MGAT4D: variants seen among roughly 807,000 people sequenced by gnomAD.
MGAT4D encodes the protein alpha-1,3-mannosyl-glycoprotein 4-beta-N-acetylglucosaminyltransferase-like protein MGAT4D.
In MGAT4D, 34 loss-of-function variants were observed where a neutral mutation model predicts 15.9. The observed-to-expected ratio is 2.14, with a 90% CI of 1.62 to 2.84. MGAT4D has a LOEUF of 2.84. Ranked by LOEUF, MGAT4D falls within the 30% of genes most tolerant of loss-of-function variation. The pLI, the probability that MGAT4D is intolerant of heterozygous loss-of-function variation, is 0.00. For missense variants in MGAT4D, 327 were observed against 140.2 expected (o/e 2.33, Z -6.73); for synonymous variants, 112 against 48.2 (o/e 2.33, Z -5.49).
chr4:140,453,286 C>G (rs1413242560), intron 9 of MGAT4D, among the ~76,000 whole-genome samples: 1 of 151,772 alleles, frequency 6.6e-6, no homozygotes, highest in Non-Finnish European at 1.5e-5. Flanking sequence ...GAATATCTAC[C>G]AAAAAATTCC....
At chr4:140,478,266 C>T (rs2126808734) in intron 3 of MGAT4D, among the ~76,000 whole-genome samples, 1 of 152,256 alleles carries the variant, frequency 6.6e-6, no homozygotes, top group African/African-American at 2.4e-5. Flanking sequence ...ATTGCTCCAC[C>T]CAAACACCAC....
At chr4:140,444,817 T>C (rs987053627) in intron 10 of MGAT4D, among the ~76,000 whole-genome samples, 11 of 152,210 alleles carry the variant, frequency 7.2e-5, no homozygotes, top group Non-Finnish European at 1.6e-4. Context: ...TTGAACTAAT[T>C]TACACTCTGC....
At chr4:140,485,843 A>AAAAAAAAAAAAAAAAAC (rs1733085824) in intron 1 of MGAT4D, among the ~76,000 whole-genome samples, 1 of 139,086 alleles carries the variant, frequency 7.2e-6, no homozygotes, top group Non-Finnish European at 1.6e-5. Flanking sequence ...AAAAAAAAAA[A>AAAAAAAAAAAAAAAAAC]AAAAAGCAAT....
intron 10 of MGAT4D, among the ~76,000 whole-genome samples, chr4:140,446,691 G>T (rs2126661552): frequency 8.3e-6 from 1 of 120,294 alleles, no homozygotes; most frequent in Middle Eastern, 4.9e-3. Context: ...TCTGATTTTG[G>T]TTACTTCCTG....
chr4:140,476,000 C>T (rs917598282), intron 3 of MGAT4D, among the ~76,000 whole-genome samples: 4 of 151,782 alleles, frequency 2.6e-5, no homozygotes, highest in African/African-American at 9.7e-5. Flanking sequence ...TTAGTACAGA[C>T]AGGTTTTCAC....
chr4:140,489,155 G>A (rs1733345152), intron 1 of MGAT4D, among the ~76,000 whole-genome samples: 1 of 152,076 alleles, frequency 6.6e-6, no homozygotes, highest in African/African-American at 2.4e-5. Flanking sequence ...AGCATTGGCA[G>A]GTCACTTTAA....
At chr4:140,457,840 C>T (rs1218468562) in intron 8 of MGAT4D, 1 of 152,102 alleles carries the variant, frequency 6.6e-6, no homozygotes, top group Non-Finnish European at 1.5e-5. Context: ...TTGGGTATTA[C>T]TGTTAACAAT....
intron 1 of MGAT4D, among the ~76,000 whole-genome samples, chr4:140,485,694 C>A (rs1426872196): frequency 6.7e-6 from 1 of 149,778 alleles, no homozygotes; most frequent in Admixed American, 6.7e-5. Context: ...CCTGTAAACC[C>A]AGCACTTTGG....
chr4:140,471,609 A>C (rs529776839), intron 5 of MGAT4D, among the ~76,000 whole-genome samples, 166 bp downstream of exon 5: 1 of 152,312 alleles, frequency 6.6e-6, no homozygotes, highest in East Asian at 1.9e-4. Context: ...GAAAACCATT[A>C]AGCCATACTT....
At chr4:140,465,971 C>G (rs139872858) in intron 5 of MGAT4D, among the ~76,000 whole-genome samples, 40 of 152,314 alleles carry the variant, frequency 2.6e-4, no homozygotes, top group African/African-American at 9.4e-4. Flanking sequence ...AGATGCACAT[C>G]ATCATTAGTG....
intron 1 of MGAT4D, among the ~76,000 whole-genome samples, chr4:140,495,607 G>A (rs1389568164): frequency 3.9e-5 from 6 of 152,146 alleles, no homozygotes; most frequent in African/African-American, 1.4e-4. Flanking sequence ...AAAACAGGAA[G>A]TATGTTCTGT....
At chr4:140,473,142 C>T (rs947490527) in intron 4 of MGAT4D, among the ~76,000 whole-genome samples, 4 of 150,834 alleles carry the variant, frequency 2.7e-5, no homozygotes. Context: ...TATATTTTCC[C>T]CTCCCTCCAT....
At chr4:140,467,234 A>T (rs1196342767) in intron 5 of MGAT4D, among the ~76,000 whole-genome samples, 1 of 152,132 alleles carries the variant, frequency 6.6e-6, no homozygotes, top group African/African-American at 2.4e-5. Context: ...CTTGGGGAAT[A>T]GAAAATACTG....
intron 5 of MGAT4D, among the ~76,000 whole-genome samples, chr4:140,470,545 C>G (rs894148777): frequency 6.6e-6 from 1 of 152,206 alleles, no homozygotes; most frequent in Non-Finnish European, 1.5e-5. Context: ...ATAGGCCCTG[C>G]GTGATGTCAA....
rs186529040 is a variant in MGAT4D at position 140,451,672 on chromosome 4, C to T, written c.1009-155G>A. On this transcript the variant is annotated intron_variant, in intron 9 of 10. Coordinates refer to ENST00000511113, the MANE Select transcript of MGAT4D (RefSeq NM_001277353.2). ...AATATTTAATTCTTAGCTTTTTCTT[C>T]ATAAGAATAGAGCAAAGGAGTTGGG... Among the ~76,000 whole-genome samples the T allele has an allele frequency of 3.0e-4, 46 of 152,090 alleles. No homozygotes were observed. In the East Asian group the frequency reaches 5.8e-3, roughly 19 times the overall value.
chr4:140,470,858 T>C (rs1432887066), intron 5 of MGAT4D, among the ~76,000 whole-genome samples: 6 of 152,016 alleles, frequency 3.9e-5, no homozygotes, highest in African/African-American at 1.2e-4. Flanking sequence ...ACTAGGACAA[T>C]GCTAGCCTCT....
chr4:140,497,346 C>CA (rs1299678280), intron 1 of MGAT4D, among the ~76,000 whole-genome samples: 2 of 151,954 alleles, frequency 1.3e-5, no homozygotes, highest in Non-Finnish European at 2.9e-5. Context: ...GTTAAAAGAT[C>CA]AAATATAGGA....
At chr4:140,494,356 A>C (rs76747104) in intron 1 of MGAT4D, among the ~76,000 whole-genome samples, 2,175 of 152,312 alleles carry the variant, frequency 0.014, 26 homozygotes, top group South Asian at 0.045. Context: ...GCATTATTTG[A>C]CACTATTGCA....
At position 140,479,555 on chromosome 4, in the gene MGAT4D, A is replaced by G; in HGVS notation, c.326T>C (p.Phe109Ser). Residue 109 changes from phenylalanine to serine, a missense_variant, in exon 3 of 11, where the codon TTT becomes TCT. Physicochemically the swap from Phe to Ser is radical, Grantham distance 155. Transcript: ENST00000511113. ...SNTFEDLKFF[F>S]PHLRKEGRIY... ...TCTACCTTCTTTCCTTAGATGAGGA[A>G]AAAAGAACTTTAAGTCTTCAAATGT... is the stretch of plus-strand genomic sequence containing the variant. The G allele has an allele frequency of 3.6e-6, 2 of 557,612 alleles. No individual in the cohort carries two copies. Among genetic ancestry groups the G allele is most frequent in the Middle Eastern group, 2.6e-4 (1 of 3,798 alleles). 34.5% of individuals were successfully genotyped at this position (557,612 alleles called of 1,614,324 possible).
Sources: allele counts gnomAD v4.1 joint callset (sites outside exome capture counted in the v4.1 genomes callset), GRCh38; gene constraint gnomAD v4.1.1; transcripts MANE v1.5; gene names NCBI Gene and HGNC (gene_info 2026-07-23, HGNC 2026-07-21).